The following SSH2 variants were observed in gnomAD, a reference collection of about 807,000 sequenced individuals.
SSH2 encodes slingshot protein phosphatase 2.
SSH2 carries 37 observed loss-of-function variants against 135.2 expected under a neutral mutation model. The observed-to-expected ratio is 0.27, with a 90% CI of 0.21 to 0.36. SSH2 has a LOEUF of 0.36. SSH2 is among the 10% of genes least tolerant of loss of function. The pLI is 1.00. For missense variants in SSH2, 1,408 were observed against 1,765.3 expected (o/e 0.80, Z 3.63); for synonymous variants, 628 against 646.2 (o/e 0.97, Z 0.43).
At chr17:29,686,485 CT>C (rs1456496704) in intron 5 of SSH2, among the ~76,000 whole-genome samples, 1 of 151,216 alleles carries the variant, frequency 6.6e-6, no homozygotes, top group Non-Finnish European at 1.5e-5. Flanking sequence ...CCTCAGCCTC[CT>C]GGGTAGCTGG....
intron 2 of SSH2, among the ~76,000 whole-genome samples, chr17:29,829,214 A>T (rs1268777894): frequency 6.6e-6 from 1 of 152,190 alleles, no homozygotes; most frequent in Non-Finnish European, 1.5e-5. Context: ...CTCTGCAACC[A>T]TTATCTCATT....
rs1037404245 is a variant in SSH2 at position 29,872,892 on chromosome 17, A to T, written c.64-23963T>A. On this transcript the variant is annotated intron_variant, in intron 1 of 15. Coordinates refer to ENST00000540801, the MANE Select transcript of SSH2 (RefSeq NM_001282129.2). ...GTGCCTATAATCCCAGCTACTCAGGAGGCTGAGGCATAAGAATCACTTGAA... is the reference window on the plus strand; with the variant it reads ...GTGCCTATAATCCCAGCTACTCAGGTGGCTGAGGCATAAGAATCACTTGAA... Among the ~76,000 whole-genome samples, 6 of 152,064 alleles carry T rather than the reference A, an allele frequency of 3.9e-5. 1 individual carries two copies. The highest frequency in any genetic ancestry group is 3.9e-4 in the Admixed American group (6 of 15,264).
At chr17:29,737,059 A>G (rs1009450953) in intron 3 of SSH2, among the ~76,000 whole-genome samples, 8 of 129,098 alleles carry the variant, frequency 6.2e-5, no homozygotes, top group African/African-American at 2.4e-4. Context: ...AGATCGCACC[A>G]CTGCACTCCA....
At chr17:29,735,812 T>C (rs946511543) in intron 3 of SSH2, among the ~76,000 whole-genome samples, 1 of 151,084 alleles carries the variant, frequency 6.6e-6, no homozygotes, top group African/African-American at 2.4e-5. Context: ...TTCTGAAAAA[T>C]ACCTCTACAA....
At chr17:29,838,337 G>A (rs1049958231) in intron 2 of SSH2, among the ~76,000 whole-genome samples, 40 of 152,322 alleles carry the variant, frequency 2.6e-4, no homozygotes, top group South Asian at 4.1e-4. Flanking sequence ...TGGCCTGCAG[G>A]TGCCCCTTGG....
chr17:29,769,717 C>T (rs1214426553), intron 3 of SSH2, among the ~76,000 whole-genome samples: 4 of 152,130 alleles, frequency 2.6e-5, no homozygotes, highest in Non-Finnish European at 4.4e-5. Context: ...ATCAGACTAA[C>T]ATTGAGTTGA....
At chr17:29,905,414 C>T (rs1435635955) in intron 1 of SSH2, among the ~76,000 whole-genome samples, 1 of 152,214 alleles carries the variant, frequency 6.6e-6, no homozygotes, top group Non-Finnish European at 1.5e-5. Flanking sequence ...GTGGCTGGGG[C>T]TGCATGCTCC....
chr17:29,808,481 G>A (rs1240756474), intron 2 of SSH2, among the ~76,000 whole-genome samples: 4 of 152,192 alleles, frequency 2.6e-5, no homozygotes, highest in African/African-American at 9.7e-5. Flanking sequence ...TACTTTGGGA[G>A]TCTGGCTCAG....
chr17:29,786,898 T>A (rs1055166611), intron 3 of SSH2, among the ~76,000 whole-genome samples: 6 of 152,214 alleles, frequency 3.9e-5, no homozygotes, highest in Non-Finnish European at 5.9e-5. Context: ...CACTCCCGCC[T>A]GTGTGGCAGA....
chr17:29,686,755 G>A (rs1311307963), intron 5 of SSH2, among the ~76,000 whole-genome samples: 7 of 151,768 alleles, frequency 4.6e-5, no homozygotes, highest in African/African-American at 1.7e-4. Context: ...TGCAACCTCC[G>A]CTTCTTGGGT....
rs759933801 is a variant in SSH2, at chr17:29,667,213, G to A, written c.820C>T (p.Arg274Cys). The change falls in exon 10 of 16, where the codon CGT (arginine) becomes TGT (cysteine). Residue 274 changes from arginine to cysteine, a missense_variant. By Grantham distance (180) the Arg-to-Cys change is radical (BLOSUM62 -3). Coordinates refer to ENST00000540801, the MANE Select transcript of SSH2 (RefSeq NM_001282129.2). ...TTAATTAGCCTTTCTGTTCGTTCAC[G>A]TTCAGTAGGTCTGAGAAGAGAGAAA... ...PALFTDIPTE[R>C]ERTERLIKTK... 80 of 1,600,732 alleles carry A rather than the reference G, an allele frequency of 5.0e-5. No individual in the cohort carries two copies. In the Admixed American group the frequency reaches 8.4e-4, roughly 17 times the overall value.
At chr17:29,777,753 T>G (rs965995365) in intron 3 of SSH2, 4 of 163,828 alleles carry the variant, frequency 2.4e-5, no homozygotes, top group Non-Finnish European at 5.2e-5. Flanking sequence ...CCCTTTCCAA[T>G]GTATATTCAT....
chr17:29,767,850 A>G (rs2151267842), intron 3 of SSH2, among the ~76,000 whole-genome samples: 1 of 152,312 alleles, frequency 6.6e-6, no homozygotes, highest in Non-Finnish European at 1.5e-5. Context: ...TATATACAAT[A>G]TCACTATGAA....
At chr17:29,761,843 ATGTGTGTGTGTG>A (rs752691137) in intron 3 of SSH2, among the ~76,000 whole-genome samples, 68 of 142,480 alleles carry the variant, frequency 4.8e-4, no homozygotes, top group Non-Finnish European at 6.1e-5. Flanking sequence ...TCACATACAT[ATGTGTGTGTGTG>A]TGTGTGTGTG....
chr17:29,696,172 TATACACAC>T (rs1453235905), intron 4 of SSH2, among the ~76,000 whole-genome samples: 39 of 116,636 alleles, frequency 3.3e-4, no homozygotes, highest in African/African-American at 1.1e-3. Context: ...TATGTATATA[TATACACAC>T]ACACACACAC....
At chr17:29,777,850 GT>G (rs1012503382) in intron 3 of SSH2, 9 of 146,828 alleles carry the variant, frequency 6.1e-5, no homozygotes, top group African/African-American at 2.0e-4. Flanking sequence ...AGAGGTCACT[GT>G]TGCCACATCC....
At chr17:29,830,260 G>A (rs750887816) in intron 2 of SSH2, among the ~76,000 whole-genome samples, 1 of 152,092 alleles carries the variant, frequency 6.6e-6, no homozygotes, top group Non-Finnish European at 1.5e-5. Flanking sequence ...CTGACCTTCT[G>A]TCAGTTCCTT....
At chr17:29,897,592 T>C (rs919205783) in intron 1 of SSH2, among the ~76,000 whole-genome samples, 8 of 152,076 alleles carry the variant, frequency 5.3e-5, no homozygotes, top group African/African-American at 1.9e-4. Flanking sequence ...CCTAAATATA[T>C]ATGCACCCAA....
At chr17:29,880,329 T>C (rs1161919944) in intron 1 of SSH2, among the ~76,000 whole-genome samples, 2 of 152,112 alleles carry the variant, frequency 1.3e-5, no homozygotes, top group Non-Finnish European at 2.9e-5. Context: ...TTGCCTAGGC[T>C]GGTCTCAAAC....
Sources: allele counts gnomAD v4.1 joint callset (sites outside exome capture counted in the v4.1 genomes callset), GRCh38; gene constraint gnomAD v4.1.1; transcripts MANE v1.5; gene names NCBI Gene and HGNC (gene_info 2026-07-23, HGNC 2026-07-21).